Variants in DHRSX observed in about 807,000 individuals in gnomAD.
DHRSX encodes polyprenol dehydrogenase.
DHRSX carries 31 observed loss-of-function variants against 34.0 expected under a neutral mutation model. That is an observed-to-expected ratio of 0.91 (90% CI 0.69 to 1.23). DHRSX has a LOEUF of 1.23. DHRSX is among the 50% of genes most tolerant of loss of function. The pLI is 0.00. For synonymous variants in DHRSX, 201 were observed against 183.8 expected, an observed-to-expected ratio of 1.09 and a Z score of -0.76; for missense variants, 414 against 428.1, an observed-to-expected ratio of 0.97 and a Z score of 0.29.
intron 6 of DHRSX, among the ~76,000 whole-genome samples, chrX:2,222,744 G>A: frequency 6.6e-6 from 1 of 152,286 alleles, no homozygotes; most frequent in African/African-American, 2.4e-5. Flanking sequence ...CTCCAAAAAG[G>A]AAAAGGGTGG....
intron 4 of DHRSX, among the ~76,000 whole-genome samples, chrX:2,276,522 G>GA (rs1444331517): frequency 3.3e-5 from 5 of 152,150 alleles, no homozygotes; most frequent in Non-Finnish European, 7.3e-5. Flanking sequence ...CAATTCAAAG[G>GA]TGGAAAATAC....
chrX:2,489,188 C>T, intron 1 of DHRSX: 5 of 1,613,752 alleles, frequency 3.1e-6, no homozygotes, highest in South Asian at 1.1e-5. Context: ...CCGGTAGCCG[C>T]CGTCTTTGAC....
intron 1 of DHRSX, among the ~76,000 whole-genome samples, chrX:2,461,728 A>G (rs2044404974): frequency 6.6e-6 from 1 of 151,898 alleles, no homozygotes; most frequent in Non-Finnish European, 1.5e-5. Flanking sequence ...TTATAATTTT[A>G]GACACAGCAT....
intron 4 of DHRSX, among the ~76,000 whole-genome samples, chrX:2,269,384 G>T (rs998833292): frequency 1.3e-5 from 2 of 151,542 alleles, no homozygotes; most frequent in African/African-American, 4.9e-5. Flanking sequence ...GCTTGTATTT[G>T]TGTGTATTTT....
Position 2,243,244 on chromosome X carries a change from A to G in DHRSX, c.597-14T>C. The G allele has an allele frequency of 6.3e-7, 1 of 1,597,046 alleles. No homozygotes were observed. Among genetic ancestry groups the G allele is most frequent in the Non-Finnish European group, 8.5e-7 (1 of 1,178,772 alleles). On this transcript the variant is annotated splice_polypyrimidine_tract_variant and intron_variant, in intron 5 of 6. Coordinates refer to ENST00000334651, the MANE Select transcript of DHRSX (RefSeq NM_145177.3). ...GAGTAGCAGGCACTGTGGGGCAAGC[A>G]GGAGAAGGTGTAAGAGGCTGACGGC...
intron 1 of DHRSX, among the ~76,000 whole-genome samples, chrX:2,436,056 G>C (rs938307906): frequency 2.0e-5 from 3 of 151,988 alleles, no homozygotes; most frequent in South Asian, 2.1e-4. Context: ...AGCCGGGCAT[G>C]GTAGCACGCA....
At chrX:2,386,111 A>T (rs1420072608) in intron 3 of DHRSX, among the ~76,000 whole-genome samples, 1 of 152,092 alleles carries the variant, frequency 6.6e-6, no homozygotes, top group East Asian at 1.9e-4. Context: ...CAGATTCTTG[A>T]TCTAGATTGT....
chrX:2,275,025 G>A (rs1016924835), intron 4 of DHRSX, among the ~76,000 whole-genome samples: 1 of 152,028 alleles, frequency 6.6e-6, no homozygotes, highest in Non-Finnish European at 1.5e-5. Flanking sequence ...AGGGATTGAC[G>A]GAAGTCCGAA....
chrX:2,361,662 G>A, intron 3 of DHRSX, among the ~76,000 whole-genome samples: 1 of 152,250 alleles, frequency 6.6e-6, no homozygotes. Context: ...GTTCAGCCTG[G>A]TTAATGTGTC....
At chrX:2,393,417 C>T (rs2043359312) in intron 3 of DHRSX, among the ~76,000 whole-genome samples, 1 of 151,638 alleles carries the variant, frequency 6.6e-6, no homozygotes, top group Non-Finnish European at 1.5e-5. Flanking sequence ...CCTGCGCACA[C>T]ATGACACACA....
chrX:2,455,126 C>T (rs1329880460), intron 1 of DHRSX, among the ~76,000 whole-genome samples: 3 of 137,958 alleles, frequency 2.2e-5, no homozygotes, highest in African/African-American at 5.7e-5. Context: ...AAAAAAAAAA[C>T]GGGATGATGT....
At chrX:2,457,629 G>A (rs1010533171) in intron 1 of DHRSX, among the ~76,000 whole-genome samples, 2 of 151,160 alleles carry the variant, frequency 1.3e-5, no homozygotes, top group African/African-American at 2.4e-5. Flanking sequence ...TAAGAATGCC[G>A]CAAAAGAACC....
rs1405233833 is a variant in DHRSX, at chrX:2,220,199, TC to T, written c.*841del. 2.0e-5 allele frequency: 3 copies of T among 152,450 alleles called. No homozygotes were observed. The highest frequency in any genetic ancestry group is 4.4e-5 in the Non-Finnish European group (3 of 68,318). The allele number at this position is 152,450 out of a possible 1,614,324, so 9.4% of individuals were successfully genotyped here. Reference sequence around the variant, plus strand: ...TTGGCTTGTGGTGGCATCACTCCAGTCTCTGTCTGCATCATCACACGAATAT... The same window carrying T: ...TTGGCTTGTGGTGGCATCACTCCAGTTCTGTCTGCATCATCACACGAATAT... On this transcript the variant is annotated 3_prime_UTR_variant, in exon 7 of 7. Coordinates refer to ENST00000334651, the MANE Select transcript of DHRSX (RefSeq NM_145177.3).
intron 1 of DHRSX, among the ~76,000 whole-genome samples, chrX:2,449,749 A>G (rs5939145): frequency 0.43 from 64,580 of 151,870 alleles, 15,892 homozygotes; most frequent in East Asian, 0.78. Context: ...CAACTCCCAC[A>G]CTCAAGTGAT....
intron 3 of DHRSX, among the ~76,000 whole-genome samples, chrX:2,366,380 C>T (rs1353769364): frequency 6.0e-5 from 9 of 151,120 alleles, no homozygotes; most frequent in Admixed American, 6.6e-5. Flanking sequence ...GTGGAGGCTA[C>T]GGTGAGCCGA....
chrX:2,295,486 G>C (rs2041921190), intron 3 of DHRSX, among the ~76,000 whole-genome samples: 1 of 152,096 alleles, frequency 6.6e-6, no homozygotes. Flanking sequence ...ATGACGGGTC[G>C]ATGGGTGCAG....
chrX:2,399,706 AAAAC>A (rs1261756361), intron 3 of DHRSX, among the ~76,000 whole-genome samples: 1 of 141,098 alleles, frequency 7.1e-6, no homozygotes, highest in African/African-American at 2.7e-5. Context: ...ACTCCGTCTC[AAAAC>A]AAACAAACAA....
intron 6 of DHRSX, among the ~76,000 whole-genome samples, chrX:2,233,144 C>A (rs2015936126): frequency 6.6e-6 from 1 of 152,134 alleles, no homozygotes; most frequent in African/African-American, 2.4e-5. Context: ...ATCTGGCCGA[C>A]CTCCTGTGTA....
chrX:2,420,540 C>T (rs111368700), intron 2 of DHRSX, among the ~76,000 whole-genome samples: 7,885 of 151,734 alleles, frequency 0.052, 294 homozygotes, highest in Middle Eastern at 0.12. Context: ...GTCAAGAGAT[C>T]GAGACCATCT....
Sources: allele counts gnomAD v4.1 joint callset (sites outside exome capture counted in the v4.1 genomes callset), GRCh38; gene constraint gnomAD v4.1.1; transcripts MANE v1.5; gene names NCBI Gene and HGNC (gene_info 2026-07-23, HGNC 2026-07-21).